CDH4: variants seen among roughly 807,000 people sequenced by gnomAD.
CDH4 encodes the protein cadherin-4.
In CDH4, 33 loss-of-function variants were observed where a neutral mutation model predicts 86.0. The ratio of observed to expected loss-of-function variants is 0.38; its 90% CI spans 0.29 to 0.51. The LOEUF is 0.51. Ranked by LOEUF, CDH4 falls within the 20% of genes least tolerant of loss-of-function variation. The pLI is 0.86. For synonymous variants in CDH4, 555 were observed against 549.4 expected, an observed-to-expected ratio of 1.01 and a Z score of -0.14; for missense variants, 1,114 against 1,307.4, an observed-to-expected ratio of 0.85 and a Z score of 2.28.
At chr20:61,692,143 ATGTG>A (rs1303486868) in intron 2 of CDH4, among the ~76,000 whole-genome samples, 3 of 146,116 alleles carry the variant, frequency 2.1e-5, no homozygotes, top group Non-Finnish European at 4.6e-5. Flanking sequence ...GTCTGTATGT[ATGTG>A]TGTATGTATG....
intron 2 of CDH4, among the ~76,000 whole-genome samples, chr20:61,662,264 G>A (rs562971122): frequency 6.6e-5 from 10 of 152,324 alleles, no homozygotes; most frequent in South Asian, 2.1e-4. Context: ...TGGTGAGAGC[G>A]CGTGGGAATG....
chr20:61,540,949 G>T (rs112581583), intron 2 of CDH4, among the ~76,000 whole-genome samples: 2 of 152,084 alleles, frequency 1.3e-5, no homozygotes, highest in Non-Finnish European at 2.9e-5. Flanking sequence ...GTTCAAGCCC[G>T]TGCCATCCTT....
chr20:61,849,560 G>T (rs1043076268), intron 5 of CDH4, among the ~76,000 whole-genome samples: 11 of 152,034 alleles, frequency 7.2e-5, no homozygotes, highest in African/African-American at 2.2e-4. Flanking sequence ...ACCGGCCTGG[G>T]TGCTCCCCCG....
chr20:61,723,899 G>C (rs4632435), intron 2 of CDH4, among the ~76,000 whole-genome samples: 10,997 of 118,868 alleles, frequency 0.093, 504 homozygotes, highest in East Asian at 0.23. Flanking sequence ...TCCCCATGCA[G>C]GGGGCACAGG....
At chr20:61,450,435 G>A (rs2085373280) in intron 2 of CDH4, among the ~76,000 whole-genome samples, 1 of 152,172 alleles carries the variant, frequency 6.6e-6, no homozygotes, top group Non-Finnish European at 1.5e-5. Flanking sequence ...AGCAGTGGGG[G>A]CTGAGATGCT....
chr20:61,295,617 C>A (rs74685579), intron 2 of CDH4, among the ~76,000 whole-genome samples: 1 of 152,028 alleles, frequency 6.6e-6, no homozygotes, highest in Admixed American at 6.5e-5. Context: ...CGTCATCCTG[C>A]GGTTCATATT....
intron 2 of CDH4, among the ~76,000 whole-genome samples, chr20:61,725,685 G>A (rs1046921990): frequency 3.3e-5 from 5 of 151,514 alleles, no homozygotes; most frequent in African/African-American, 7.3e-5. Flanking sequence ...GTCAAGAGTC[G>A]CCCCTACCTC....
Position 61,502,711 on chromosome 20 carries a change from G to A in CDH4, c.170-240852G>A, listed in dbSNP as rs142693324. Among the ~76,000 whole-genome samples, 40 of 152,260 alleles carry A rather than the reference G, an allele frequency of 2.6e-4. No individual in the cohort carries two copies. In the East Asian group the frequency reaches 5.8e-3, roughly 22 times the overall value. On this transcript the variant is annotated intron_variant, in intron 2 of 15. Transcript: ENST00000614565. ...GAAAATAAGAGCACTCAAAACAGTC[G>A]CCAACATCACGAAGGAGAAACTGCC... is the stretch of plus-strand genomic sequence containing the variant.
chr20:61,700,105 TCTC>T (rs2087759268), intron 2 of CDH4, among the ~76,000 whole-genome samples: 1 of 152,144 alleles, frequency 6.6e-6, no homozygotes, highest in Admixed American at 6.5e-5. Flanking sequence ...TGGCTTCCCT[TCTC>T]CTGGTGCCTC....
intron 3 of CDH4, among the ~76,000 whole-genome samples, chr20:61,751,285 C>T (rs1315928640): frequency 6.6e-6 from 1 of 152,184 alleles, no homozygotes; most frequent in Non-Finnish European, 1.5e-5. Flanking sequence ...CCCATAACCT[C>T]CATATGCAAC....
intron 2 of CDH4, among the ~76,000 whole-genome samples, chr20:61,371,138 G>A (rs2084838022): frequency 1.3e-5 from 2 of 152,218 alleles, no homozygotes; most frequent in African/African-American, 2.4e-5. Flanking sequence ...TAATCTGATT[G>A]CAGCCGGGAG....
intron 2 of CDH4, among the ~76,000 whole-genome samples, chr20:61,577,753 TA>T (rs2086394250): frequency 6.6e-6 from 1 of 152,072 alleles, no homozygotes; most frequent in African/African-American, 2.4e-5. Context: ...CTTGGTTGAT[TA>T]AATCTCTGGG....
intron 2 of CDH4, among the ~76,000 whole-genome samples, chr20:61,697,189 C>A (rs566598050): frequency 3.9e-4 from 60 of 152,114 alleles, no homozygotes; most frequent in Non-Finnish European, 8.2e-4. Context: ...GTTCCTGGGG[C>A]CTGAGAATGA....
At chr20:61,889,728 CAGAT>C (rs762611465) in intron 7 of CDH4, among the ~76,000 whole-genome samples, 81 of 121,366 alleles carry the variant, frequency 6.7e-4, no homozygotes, top group African/African-American at 1.4e-3. Flanking sequence ...GATGGACAGA[CAGAT>C]GGATGATGGA....
chr20:61,535,531 T>C (rs922921246), intron 2 of CDH4, among the ~76,000 whole-genome samples: 1 of 152,270 alleles, frequency 6.6e-6, no homozygotes, highest in Non-Finnish European at 1.5e-5. Context: ...TTAAGTAGAA[T>C]GTTTTTAGAA....
rs1162698841 is a variant in CDH4, at chr20:61,709,057, A to G, written c.170-34506A>G. On this transcript the variant is annotated intron_variant, in intron 2 of 15. Transcript: ENST00000614565. The surrounding 1 kb of genome is among the most constrained non-coding windows in gnomAD (Gnocchi z 4.8). ...CTGCGGCCCAGCTCAGGCCTGGCTC[A>G]TGATGGGAGTGTGGAGGACACTGGC... 4.6e-5 allele frequency among the ~76,000 whole-genome samples: 7 copies of G among 152,310 alleles called. No individual in the cohort carries two copies. In the East Asian group the frequency reaches 1.2e-3, roughly 25 times the overall value.
chr20:61,699,730 G>C (rs1600888494), intron 2 of CDH4, among the ~76,000 whole-genome samples: 2 of 149,834 alleles, frequency 1.3e-5, no homozygotes, highest in East Asian at 3.9e-4. Flanking sequence ...GAAAGAGTCT[G>C]AGCGGGAGCA....
At chr20:61,932,899 A>G in intron 13 of CDH4, 86 bp from the exon 14 acceptor site, 1 of 1,529,644 alleles carries the variant, frequency 6.5e-7, no homozygotes, top group Non-Finnish European at 8.9e-7. Context: ...CTGCATGTAC[A>G]TGCCCACATA....
chr20:61,707,939 T>C (rs970040105), intron 2 of CDH4, among the ~76,000 whole-genome samples: 3 of 152,166 alleles, frequency 2.0e-5, no homozygotes. Flanking sequence ...TGCCTGCGGA[T>C]GACAGGGAGG....
Sources: gnomAD v4.1 joint callset for allele counts (sites outside exome capture counted in the v4.1 genomes callset) on GRCh38, gnomAD v4.1.1 for gene constraint, Gnocchi (gnomAD v3.1) non-coding constraint, MANE v1.5 for transcripts, NCBI Gene and HGNC (gene_info 2026-07-23, HGNC 2026-07-21) for gene names.